The following HPS1 variants were observed in gnomAD, a reference collection of about 807,000 sequenced individuals.
HPS1 encodes the protein HPS1 biogenesis of lysosomal organelles complex 3 subunit 1, also known as BLOC-3 complex member HPS1.
A neutral mutation model predicts 90.6 loss-of-function variants in HPS1; 59 were observed. That is an observed-to-expected ratio of 0.65 (90% CI 0.53 to 0.81). The LOEUF is 0.81. Among genes scored for constraint, HPS1 ranks in the 30% least tolerant of loss-of-function variants. HPS1 has a pLI of 0.00. For synonymous variants in HPS1, 388 were observed against 384.4 expected (o/e 1.01, Z -0.11); for missense variants, 849 against 896.7 (o/e 0.95, Z 0.68).
rs1453229597 is a variant in HPS1, at chr10:98,445,846, TC to T, written c.-105-443del. ...ACAGGAAAGGCATCTGGGACCAGGT[TC>T]TAGTTTTGGCTTTGCCAAGTCCCAT... On this transcript the variant is annotated intron_variant, in intron 1 of 19. Coordinates refer to ENST00000361490, the MANE Select transcript of HPS1 (RefSeq NM_000195.5). This position sits in a 1 kb window ranked among gnomAD's most constrained non-coding sequence, Gnocchi z 4.5. Among the ~76,000 whole-genome samples the T allele has an allele frequency of 6.6e-6, 1 of 152,158 alleles. No individual in the cohort carries two copies. The highest frequency in any genetic ancestry group is 1.5e-5 in the Non-Finnish European group (1 of 68,018).
In HPS1 at chr10:98,434,007, C is replaced by A. The variant is rs573247261; in HGVS notation, c.483G>T (p.Glu161Asp). Residue 161 changes from glutamate (E) to aspartate (D), a missense_variant, in exon 6 of 20, where the codon GAG becomes GAT. By Grantham distance (45) the Glu-to-Asp change is conservative. Transcript: ENST00000361490. Reference sequence around the variant, plus strand: ...CCTCCACGGCGAAGCACTGCTCCTGCTCCCGCAGGCGGCTGTAGGTCCACA... The same window carrying A: ...CCTCCACGGCGAAGCACTGCTCCTGATCCCGCAGGCGGCTGTAGGTCCACA... Reference protein sequence around the residue: ...SLLWTYSRLREQEQCFAVEAL... With the variant: ...SLLWTYSRLRDQEQCFAVEAL... The A allele has an allele frequency of 7.6e-5, 119 of 1,558,900 alleles. No homozygotes were observed. Among genetic ancestry groups the A allele is most frequent in the Non-Finnish European group, 9.0e-5 (104 of 1,151,184 alleles).
chr10:98,441,066 C>T (rs1260800040), intron 3 of HPS1, among the ~76,000 whole-genome samples: 1 of 152,164 alleles, frequency 6.6e-6, no homozygotes, highest in African/African-American at 2.4e-5. Context: ...AATGGACTCC[C>T]TGAGGTGGAG....
intron 19 of HPS1, 44 bp downstream of exon 19, chr10:98,418,131 C>A: frequency 2.3e-6 from 3 of 1,325,124 alleles, no homozygotes; most frequent in Admixed American, 3.6e-5. Context: ...ACTTATCACC[C>A]AAATGGGGGC....
intron 3 of HPS1, chr10:98,442,519 CTTTT>C (rs537350480): frequency 1.3e-4 from 18 of 142,956 alleles, no homozygotes; most frequent in Admixed American, 3.4e-4. Flanking sequence ...TTACGTTAAA[CTTTT>C]TTTTTTTTTT....
Position 98,435,518 on chromosome 10 carries a change from T to C in HPS1, c.256-104A>G. Reference sequence around the variant, plus strand: ...GGGGAGGCTCGGGTCCCAGGCGGGTTTGATAAGATGCCGTTTCTGCCTTCT... The same window carrying C: ...GGGGAGGCTCGGGTCCCAGGCGGGTCTGATAAGATGCCGTTTCTGCCTTCT... On this transcript the variant is annotated intron_variant, in intron 4 of 19. Transcript: ENST00000361490. The surrounding 1 kb of genome is among the most constrained non-coding windows in gnomAD (Gnocchi z 4.3). 1 of 1,609,394 alleles carries C rather than the reference T, an allele frequency of 6.2e-7. No individual in the cohort carries two copies. The highest frequency in any genetic ancestry group is 8.5e-7 in the Non-Finnish European group (1 of 1,176,222).
Position 98,429,892 on chromosome 10 carries a change from G to C in HPS1, c.769-3C>G, listed in dbSNP as rs1249423545. ...CTCCGGGCCCTCCGCGGGGAAGGCT[G>C]TGCAGGGCAGGGGAGAGGCTGGTTA... On this transcript the variant is annotated splice_region_variant and splice_polypyrimidine_tract_variant and intron_variant, in intron 8 of 19. Transcript: ENST00000361490. The C allele has an allele frequency of 6.2e-7, 1 of 1,609,376 alleles. No individual in the cohort carries two copies. Among genetic ancestry groups the C allele is most frequent in the Non-Finnish European group, 8.5e-7 (1 of 1,179,746 alleles).
chr10:98,424,267 C>A (rs542116108), intron 14 of HPS1, 46 bp downstream of exon 14: 4 of 1,404,722 alleles, frequency 2.8e-6, no homozygotes, highest in East Asian at 4.6e-5. Context: ...AGGGAACAGT[C>A]CCCTGGGCAC....
At chr10:98,431,403 C>A in intron 6 of HPS1, 112 bp from the exon 7 acceptor site, 3 of 1,170,980 alleles carry the variant, frequency 2.6e-6, no homozygotes, top group Admixed American at 2.1e-5. Context: ...GGACTCTGCA[C>A]CAGATACTTG....
At chr10:98,414,945 C>G, downstream of HPS1, 1 of 1,567,966 alleles carries the variant, frequency 6.4e-7, no homozygotes, top group Non-Finnish European at 8.7e-7. Flanking sequence ...CCCTCCCCAC[C>G]AAGCTCTGAG....
Position 98,425,815 on chromosome 10 carries a change from T to G in HPS1, c.1155+3A>C. 1 of 1,613,418 alleles carries G rather than the reference T, an allele frequency of 6.2e-7. No homozygotes were observed. The highest frequency in any genetic ancestry group is 8.5e-7 in the Non-Finnish European group (1 of 1,179,648). On this transcript the variant is annotated splice_donor_region_variant and intron_variant, in intron 12 of 19. Coordinates refer to ENST00000361490, the MANE Select transcript of HPS1 (RefSeq NM_000195.5). ...ATCAGGGCAGGGTGAGGGGCTCTCC[T>G]ACCCTGGTCAGGAGCACCAGGTTGA...
rs1407796513 is a variant in HPS1, at chr10:98,431,219, C to T, written c.580G>A (p.Ala194Thr). ...CCCCGCTCGGGGCTGGTGTTGACAG[C>T]CTGGATGACGTGCCGCTCCAGCGCC... ...IEALERHVIQAVNTSPERGGE... is the reference protein window; with the variant it reads ...IEALERHVIQTVNTSPERGGE... Residue 194 changes from alanine to threonine, a missense_variant, in exon 7 of 20, where the codon GCT becomes ACT. By Grantham distance (58) the Ala-to-Thr change is moderately conservative. Transcript: ENST00000361490. The T allele has an allele frequency of 2.2e-5, 36 of 1,614,078 alleles. No homozygotes were observed. Among genetic ancestry groups the T allele is most frequent in the Non-Finnish European group, 3.0e-5 (35 of 1,180,048 alleles).
chr10:98,420,041 C>G lies in HPS1; in HGVS notation c.1857+4G>C. ...TCCTGGCCCAGGGACTCAGCCTCAC[C>G]TACCATGTCATTCTCGAACCACAGG... On this transcript the variant is annotated splice_donor_region_variant and intron_variant, in intron 18 of 19. Transcript: ENST00000361490. The G allele has an allele frequency of 6.3e-7, 1 of 1,596,458 alleles. No individual in the cohort carries two copies. Among genetic ancestry groups the G allele is most frequent in the Admixed American group, 1.7e-5 (1 of 60,000 alleles).
In HPS1 at chr10:98,422,773, G is replaced by C. The variant is rs2136126469; in HGVS notation, c.1599-260C>G. ...GCAGTTCTGGCCCTACAGGAACATG[G>C]TATGCATCATTTTCATGAGGGATGA... On this transcript the variant is annotated intron_variant, in intron 16 of 19. Coordinates refer to ENST00000361490, the MANE Select transcript of HPS1 (RefSeq NM_000195.5). Among the ~76,000 whole-genome samples, 2 of 152,328 alleles carry C rather than the reference G, an allele frequency of 1.3e-5. 1 individual carries two copies. The highest frequency in any genetic ancestry group is 4.1e-4 in the South Asian group (2 of 4,822).
At chr10:98,429,216 C>A in intron 10 of HPS1, 1 of 1,045,934 alleles carries the variant, frequency 9.6e-7, no homozygotes, top group Non-Finnish European at 1.2e-6. Context: ...ACTACAGATG[C>A]TGAATATATT....
chr10:98,420,304 G>C, intron 17 of HPS1, 146 bp from the exon 18 acceptor site: 1 of 697,910 alleles, frequency 1.4e-6, no homozygotes, highest in South Asian at 1.5e-5. Context: ...CCTTGGCTCA[G>C]AGCAGGAGGC....
chr10:98,418,394 A>G (rs1844399551), intron 18 of HPS1, 137 bp from the exon 19 acceptor site: 2 of 513,334 alleles, frequency 3.9e-6, no homozygotes, highest in Non-Finnish European at 7.1e-6. Context: ...TTGTTTTTTC[A>G]TCTTTGAAGT....
In HPS1 at chr10:98,434,111, G is replaced by C; in HGVS notation, c.399-20C>G. ...CGCAGCCTGGGGGCAGAGCCAGAGA[G>C]GGCGGGAGAGATCACAAGAAAGCTG... On this transcript the variant is annotated intron_variant, in intron 5 of 19. Coordinates refer to ENST00000361490, the MANE Select transcript of HPS1 (RefSeq NM_000195.5). 1 of 1,545,238 alleles carries C rather than the reference G, an allele frequency of 6.5e-7. No individual in the cohort carries two copies. Among genetic ancestry groups the C allele is most frequent in the Non-Finnish European group, 8.7e-7 (1 of 1,146,302 alleles).
At chr10:98,427,550 T>C (rs1845777850) in intron 10 of HPS1, among the ~76,000 whole-genome samples, 1 of 152,162 alleles carries the variant, frequency 6.6e-6, no homozygotes, top group Non-Finnish European at 1.5e-5. Context: ...TTGGTAATGG[T>C]GGTCAGGGGG....
intron 16 of HPS1, among the ~76,000 whole-genome samples, chr10:98,423,280 C>CCGCT (rs34730930): frequency 1.5e-4 from 10 of 67,728 alleles, no homozygotes; most frequent in African/African-American, 8.1e-4. Context: ...ACCACAGGAA[C>CCGCT]CCCCCCCCCG....
Sources: gnomAD v4.1 joint callset for allele counts (sites outside exome capture counted in the v4.1 genomes callset) on GRCh38, gnomAD v4.1.1 for gene constraint, Gnocchi (gnomAD v3.1) non-coding constraint, MANE v1.5 for transcripts, NCBI Gene and HGNC (gene_info 2026-07-23, HGNC 2026-07-21) for gene names.